Variants in SUPT3H observed in about 807,000 individuals in gnomAD.
SUPT3H encodes transcription initiation protein SPT3 homolog.
SUPT3H carries 44 observed loss-of-function variants against 44.3 expected under a neutral mutation model. That is an observed-to-expected ratio of 0.99 (90% confidence interval 0.78 to 1.28). The LOEUF (loss-of-function observed/expected upper bound fraction) is 1.28, where lower values mean the gene tolerates loss of function less well. Ranked by LOEUF, SUPT3H falls within the 50% of genes most tolerant of loss-of-function variation. SUPT3H has a pLI of 0.00. For synonymous variants in SUPT3H, 124 were observed against 125.6 expected (o/e 0.99, Z 0.09); for missense variants, 380 against 387.1 (o/e 0.98, Z 0.15).
At chr6:44,813,576 G>GAAA (rs5875893) in intron 11 of SUPT3H, among the ~76,000 whole-genome samples, 3 of 135,224 alleles carry the variant, frequency 2.2e-5, no homozygotes, top group Non-Finnish European at 4.8e-5. Context: ...AAACCAAGAG[G>GAAA]AAAAAAAAAA....
chr6:45,298,337 G>A (rs1044169447), intron 2 of SUPT3H, among the ~76,000 whole-genome samples: 2 of 151,996 alleles, frequency 1.3e-5, no homozygotes, highest in African/African-American at 4.8e-5. Context: ...AATTATTTTT[G>A]TCACTTAAAA....
intron 2 of SUPT3H, among the ~76,000 whole-genome samples, chr6:45,284,537 A>C (rs531880565): frequency 6.6e-6 from 1 of 152,354 alleles, no homozygotes; most frequent in Non-Finnish European, 1.5e-5. Flanking sequence ...TCCCAAGACT[A>C]AACGAGGAAG....
intron 2 of SUPT3H, among the ~76,000 whole-genome samples, chr6:45,287,141 T>C (rs1437768237): frequency 6.6e-6 from 1 of 151,958 alleles, no homozygotes; most frequent in Non-Finnish European, 1.5e-5. Flanking sequence ...TACCTAATGT[T>C]AAATGACGAG....
chr6:45,071,813 C>G (rs1344034893), intron 3 of SUPT3H, among the ~76,000 whole-genome samples: 1 of 152,164 alleles, frequency 6.6e-6, no homozygotes, highest in Non-Finnish European at 1.5e-5. Context: ...GACATACATC[C>G]TTCAATGTGA....
chr6:45,377,470 C>T (rs150659824), intron 1 of SUPT3H: 3,045 of 152,426 alleles, frequency 0.02, 56 homozygotes, highest in South Asian at 0.085. Flanking sequence ...CCCCGCTTCT[C>T]AGCACAGCCC....
chr6:45,271,320 G>C (rs1476125539), intron 2 of SUPT3H, among the ~76,000 whole-genome samples: 1 of 152,158 alleles, frequency 6.6e-6, no homozygotes, highest in African/African-American at 2.4e-5. Flanking sequence ...CAGAGGCCTA[G>C]GAGGAAAAAA....
In SUPT3H at chr6:44,924,177, T is replaced by C. The variant is rs144268243; in HGVS notation, c.912+8476A>G. 2.1e-3 allele frequency among the ~76,000 whole-genome samples: 326 copies of C among 152,248 alleles called. 1 individual carries two copies. The highest frequency in any genetic ancestry group is 7.5e-3 in the African/African-American group (312 of 41,576). On this transcript the variant is annotated intron_variant, in intron 10 of 10. Coordinates refer to ENST00000371459, the MANE Select transcript of SUPT3H (RefSeq NM_003599.4). Reference sequence around the variant, plus strand: ...AAATGGAAGCACGTGCCAGATATTGTTAGTGAAACAACTTTCAAACAAATA... The same window carrying C: ...AAATGGAAGCACGTGCCAGATATTGCTAGTGAAACAACTTTCAAACAAATA...
rs1329073219 is a variant in SUPT3H, at chr6:44,827,321, C to A, written c.*2495G>T. On this transcript the variant is annotated 3_prime_UTR_variant, in exon 11 of 11. Transcript: ENST00000371459. ...GTACAGTTTTTAAATAAATTTACAT[C>A]GTTGTCTAGGATAAATATGCCATAA... Among the ~76,000 whole-genome samples, 1 of 152,054 alleles carries A rather than the reference C, an allele frequency of 6.6e-6. No individual in the cohort carries two copies. The highest frequency in any genetic ancestry group is 1.5e-5 in the Non-Finnish European group (1 of 67,966).
At chr6:45,298,708 A>C (rs1018774344) in intron 2 of SUPT3H, among the ~76,000 whole-genome samples, 1 of 152,160 alleles carries the variant, frequency 6.6e-6, no homozygotes, top group African/African-American at 2.4e-5. Flanking sequence ...AAATTGGCCA[A>C]TGTAATTGTT....
At chr6:45,303,717 GGGCACAGT>G (rs2149942830) in intron 2 of SUPT3H, among the ~76,000 whole-genome samples, 1 of 150,234 alleles carries the variant, frequency 6.7e-6, no homozygotes, top group East Asian at 1.9e-4. Flanking sequence ...AAGCCAGGCC[GGGCACAGT>G]GGCTCATGCC....
At position 44,928,893 on chromosome 6, in the gene SUPT3H, A is replaced by T. The variant is rs1404796839; in HGVS notation, c.912+3760T>A. ...ACGAGACTCCGTCTCAAAAAAAAAA[A>T]AAAAAAAAAAAGAAAAGAAAAGAAA... On this transcript the variant is annotated intron_variant, in intron 10 of 10. Transcript: ENST00000371459. Among the ~76,000 whole-genome samples, 8 of 135,738 alleles carry T rather than the reference A, an allele frequency of 5.9e-5. 1 individual carries two copies. The highest frequency in any genetic ancestry group is 7.8e-5 in the Non-Finnish European group (5 of 63,914). 89.0% of individuals were successfully genotyped at this position (135,738 alleles called of 152,430 possible). A position where few individuals can be genotyped will look rare whatever the true frequency, so the allele number is the denominator to read the frequency against.
At chr6:45,290,269 T>G (rs550212501) in intron 2 of SUPT3H, among the ~76,000 whole-genome samples, 1 of 152,332 alleles carries the variant, frequency 6.6e-6, no homozygotes, top group Non-Finnish European at 1.5e-5. Context: ...AAAAGGCTCT[T>G]GCTTTTATTT....
chr6:45,363,742 G>A (rs1794663835), intron 2 of SUPT3H, among the ~76,000 whole-genome samples: 4 of 151,708 alleles, frequency 2.6e-5, no homozygotes, highest in Admixed American at 2.6e-4. Context: ...TTAAAATATA[G>A]GCTCACTTCA....
chr6:45,357,906 T>A (rs955471928), intron 2 of SUPT3H, among the ~76,000 whole-genome samples: 11 of 152,102 alleles, frequency 7.2e-5, no homozygotes, highest in Non-Finnish European at 1.2e-4. Context: ...TATATATATA[T>A]AAATACATTC....
intron 5 of SUPT3H, among the ~76,000 whole-genome samples, chr6:45,007,265 A>T (rs1354728745): frequency 6.6e-6 from 1 of 152,080 alleles, no homozygotes; most frequent in Non-Finnish European, 1.5e-5. Context: ...TTACTAAGAC[A>T]TTCCAGGTGT....
chr6:45,248,606 A>G (rs570181004), intron 2 of SUPT3H, among the ~76,000 whole-genome samples: 2 of 152,298 alleles, frequency 1.3e-5, no homozygotes, highest in South Asian at 2.1e-4. Flanking sequence ...AGTGCCAAAG[A>G]GGATGTGGAA....
rs78351964 is a variant in SUPT3H at position 45,114,624 on chromosome 6, C to T, written c.102-8618G>A. On this transcript the variant is annotated intron_variant, in intron 2 of 10. Transcript: ENST00000371459. The stretch of plus-strand genomic sequence containing the variant: ...CATCTGAGAAAGTTTACAAAACTAG[C>T]AGAATATCTTTATGAATTTCTTCTA... Among the ~76,000 whole-genome samples the T allele has an allele frequency of 2.5e-3, 375 of 152,228 alleles. 3 individuals carry two copies. Among genetic ancestry groups the T allele is most frequent in the African/African-American group, 8.7e-3 (361 of 41,576 alleles).
intron 2 of SUPT3H, among the ~76,000 whole-genome samples, chr6:45,147,912 A>G (rs1357306009): frequency 1.3e-5 from 2 of 152,172 alleles, no homozygotes; most frequent in African/African-American, 4.8e-5. Context: ...GTTAGCTAGC[A>G]GTTAAATAAC....
At chr6:45,371,758 G>C (rs1157833727) in intron 1 of SUPT3H, 1 of 802,644 alleles carries the variant, frequency 1.2e-6, no homozygotes, top group Non-Finnish European at 1.5e-6. Context: ...GAAAATCTTA[G>C]GTAGATGGAT....
Sources: allele counts gnomAD v4.1 joint callset (sites outside exome capture counted in the v4.1 genomes callset), GRCh38; gene constraint gnomAD v4.1.1; transcripts MANE v1.5; gene names NCBI Gene and HGNC (gene_info 2026-07-23, HGNC 2026-07-21).